The following CNBD1 variants were observed in gnomAD, a reference collection of about 807,000 sequenced individuals.
CNBD1 encodes cyclic nucleotide binding domain containing 1.
CNBD1 carries 71 observed loss-of-function variants against 54.4 expected under a neutral mutation model. The observed-to-expected ratio is 1.30, with a 90% CI of 1.08 to 1.59. CNBD1 has a LOEUF of 1.59. CNBD1 is among the 40% of genes most tolerant of loss of function. The probability of loss-of-function intolerance (pLI) is 0.00; values close to 1 mark genes in which losing one functional copy is unlikely to be tolerated. For synonymous variants in CNBD1, 182 were observed against 170.7 expected (o/e 1.07, Z -0.51); for missense variants, 659 against 518.0 (o/e 1.27, Z -2.64).
intron 3 of CNBD1, among the ~76,000 whole-genome samples, chr8:86,917,645 A>G (rs1809208138): frequency 6.6e-6 from 1 of 152,154 alleles, no homozygotes; most frequent in South Asian, 2.1e-4. Flanking sequence ...GAGAGTTAAG[A>G]GTGGATGCAG....
At chr8:87,428,541 T>A (rs930995861) in intron 2 of CNBD1, 4 of 444,544 alleles carry the variant, frequency 9.0e-6, no homozygotes, top group Non-Finnish European at 1.8e-5. Context: ...TCTGTTTTCA[T>A]CTAGAATTAG....
intron 6 of CNBD1, among the ~76,000 whole-genome samples, chr8:87,239,644 A>G (rs2130828284): frequency 6.6e-6 from 1 of 152,340 alleles, no homozygotes; most frequent in Admixed American, 6.5e-5. Context: ...TCATTTGAGT[A>G]TAACAAACAT....
At chr8:87,046,212 A>G (rs1486990254) in intron 4 of CNBD1, among the ~76,000 whole-genome samples, 2 of 152,090 alleles carry the variant, frequency 1.3e-5, no homozygotes, top group African/African-American at 2.4e-5. Flanking sequence ...GCATCATAAT[A>G]GAGATATTAA....
At chr8:87,151,220 AT>A (rs1260149101) in intron 4 of CNBD1, among the ~76,000 whole-genome samples, 3 of 152,282 alleles carry the variant, frequency 2.0e-5, no homozygotes, top group Admixed American at 2.0e-4. Flanking sequence ...TACCAGGAGC[AT>A]CCTTTGACCC....
At chr8:87,311,084 A>T (rs552158335) in intron 8 of CNBD1, among the ~76,000 whole-genome samples, 1 of 151,966 alleles carries the variant, frequency 6.6e-6, no homozygotes, top group South Asian at 2.1e-4. Context: ...TGCAACAAAA[A>T]CAAAAATTGA....
At chr8:86,874,849 C>A (rs1284730592) in intron 1 of CNBD1, among the ~76,000 whole-genome samples, 2 of 151,088 alleles carry the variant, frequency 1.3e-5, no homozygotes, top group Admixed American at 6.6e-5. Context: ...CCCTAAGAGC[C>A]CTGTTTTGTT....
At chr8:87,257,842 T>G (rs767681681) in intron 6 of CNBD1, among the ~76,000 whole-genome samples, 13 of 152,188 alleles carry the variant, frequency 8.5e-5, no homozygotes, top group Non-Finnish European at 1.9e-4. Flanking sequence ...TTTCTTGGTA[T>G]TTAATTAATT....
intron 5 of CNBD1, among the ~76,000 whole-genome samples, chr8:87,225,644 G>C (rs1471677588): frequency 6.6e-6 from 1 of 152,174 alleles, no homozygotes; most frequent in Non-Finnish European, 1.5e-5. Flanking sequence ...CGGTTTGCCA[G>C]TATGTTATTG....
At chr8:86,991,793 A>T (rs6468610) in intron 4 of CNBD1, among the ~76,000 whole-genome samples, 143,894 of 152,190 alleles carry the variant, frequency 0.95, 68,130 homozygotes, top group East Asian at 1. Flanking sequence ...TCAGGAGCAA[A>T]TGTTCAAGTT....
chr8:87,306,467 A>T lies in CNBD1; in HGVS notation c.1042+19796A>T, dbSNP rs375577749. 6.0e-4 allele frequency among the ~76,000 whole-genome samples: 92 copies of T among 152,322 alleles called. 1 individual carries two copies. In the South Asian group the frequency reaches 0.018, roughly 30 times the overall value. ...GCACACGCATGTTTGTAGCAGCATG[A>T]TTCACAATTGCAAAATCATGGAACC... On this transcript the variant is annotated intron_variant, in intron 8 of 10. Coordinates refer to ENST00000518476, the MANE Select transcript of CNBD1 (RefSeq NM_173538.3).
At chr8:87,415,377 G>T (rs990025927) in intron 2 of CNBD1, among the ~76,000 whole-genome samples, 1 of 151,918 alleles carries the variant, frequency 6.6e-6, no homozygotes, top group Non-Finnish European at 1.5e-5. Flanking sequence ...AGAATGTTTT[G>T]GGTTCATAGG....
At chr8:87,345,779 G>T (rs1199517088) in intron 8 of CNBD1, among the ~76,000 whole-genome samples, 1 of 151,972 alleles carries the variant, frequency 6.6e-6, no homozygotes, top group African/African-American at 2.4e-5. Flanking sequence ...ACCAAAACTA[G>T]TTGTGATTTC....
At chr8:87,159,476 T>G (rs913376640) in intron 4 of CNBD1, among the ~76,000 whole-genome samples, 5 of 152,062 alleles carry the variant, frequency 3.3e-5, no homozygotes, top group African/African-American at 1.2e-4. Flanking sequence ...CGATAGCTCC[T>G]TTGTCTTGGA....
intron 2 of CNBD1, among the ~76,000 whole-genome samples, chr8:87,391,514 A>T (rs1811310189): frequency 1.3e-5 from 2 of 152,266 alleles, no homozygotes; most frequent in East Asian, 3.9e-4. Flanking sequence ...TAACAATGGA[A>T]TATAATTGAA....
intron 2 of CNBD1, among the ~76,000 whole-genome samples, chr8:87,391,632 T>C (rs1018243494): frequency 1.2e-4 from 18 of 152,024 alleles, no homozygotes. Flanking sequence ...GCTGGGATAA[T>C]GGGATAATAG....
At chr8:86,963,177 G>T (rs1483640723) in intron 4 of CNBD1, among the ~76,000 whole-genome samples, 1 of 152,118 alleles carries the variant, frequency 6.6e-6, no homozygotes, top group Non-Finnish European at 1.5e-5. Context: ...CTGACCATGG[G>T]TGCAAGTGCA....
chr8:87,046,244 A>C (rs1040692889), intron 4 of CNBD1, among the ~76,000 whole-genome samples: 11 of 152,086 alleles, frequency 7.2e-5, no homozygotes, highest in Non-Finnish European at 1.5e-4. Context: ...TCAAAAAGAG[A>C]AATACCAGCA....
At chr8:87,351,504 T>G (rs1168671403) in intron 8 of CNBD1, among the ~76,000 whole-genome samples, 181 bp from the exon 9 acceptor site, 1 of 152,226 alleles carries the variant, frequency 6.6e-6, no homozygotes, top group African/African-American at 2.4e-5. Context: ...ATGTTAGAGA[T>G]ATAAATACTG....
At chr8:87,172,747 T>G (rs1404478697) in intron 4 of CNBD1, among the ~76,000 whole-genome samples, 2 of 152,126 alleles carry the variant, frequency 1.3e-5, no homozygotes, top group African/African-American at 2.4e-5. Context: ...TTCCTTTATT[T>G]TCAGTCTGTG....
Sources: allele counts gnomAD v4.1 joint callset (sites outside exome capture counted in the v4.1 genomes callset), GRCh38; gene constraint gnomAD v4.1.1; transcripts MANE v1.5; gene names NCBI Gene and HGNC (gene_info 2026-07-23, HGNC 2026-07-21).